The following CYP2C8 variants were observed in gnomAD, a reference collection of about 807,000 sequenced individuals.
CYP2C8 encodes cytochrome P450 family 2 subfamily C member 8, also known as cytochrome P450 2C8.
In CYP2C8, 51 loss-of-function variants were observed where a neutral mutation model predicts 41.3. That is an observed-to-expected ratio of 1.24 (90% CI 0.99 to 1.56). CYP2C8 has a LOEUF of 1.56. Among genes scored for constraint, CYP2C8 ranks in the 40% most tolerant of loss-of-function variants. The pLI is 0.00. For synonymous variants in CYP2C8, 218 were observed against 205.8 expected, an observed-to-expected ratio of 1.06 and a Z score of -0.51; for missense variants, 651 against 579.9, an observed-to-expected ratio of 1.12 and a Z score of -1.26.
chr10:95,051,425 A>T (rs2033213319), intron 5 of CYP2C8, among the ~76,000 whole-genome samples: 1 of 152,142 alleles, frequency 6.6e-6, no homozygotes. Context: ...GAGAAAGAGA[A>T]GGGAGTAGAA....
chr10:95,047,357 A>G (rs1324499137), intron 5 of CYP2C8, among the ~76,000 whole-genome samples: 4 of 152,206 alleles, frequency 2.6e-5, no homozygotes, highest in Non-Finnish European at 2.9e-5. Context: ...AATTAGGGCT[A>G]TATCATGAAA....
intron 8 of CYP2C8, among the ~76,000 whole-genome samples, chr10:95,038,158 G>A (rs1035269496): frequency 6.6e-6 from 1 of 152,180 alleles, no homozygotes; most frequent in Non-Finnish European, 1.5e-5. Context: ...GGTGTGAAAA[G>A]CAAGTATCCA....
At chr10:95,053,816 G>A (rs1461996417) in intron 5 of CYP2C8, among the ~76,000 whole-genome samples, 3 of 151,978 alleles carry the variant, frequency 2.0e-5, no homozygotes, top group Non-Finnish European at 4.4e-5. Flanking sequence ...CTTAATTCAT[G>A]CGGGGCTTAA....
chr10:95,040,900 C>T (rs764976486), intron 7 of CYP2C8: 1 of 456,102 alleles, frequency 2.2e-6, no homozygotes, highest in South Asian at 1.5e-5. Flanking sequence ...AAAACAGACC[C>T]ACATTAGGGA....
Position 95,064,852 on chromosome 10 carries a change from AG to A in CYP2C8, c.589del (p.Leu197Ter). 6.2e-7 allele frequency: 1 copy of A among 1,614,026 alleles called. No individual in the cohort carries two copies. Among genetic ancestry groups the A allele is most frequent in the Non-Finnish European group, 8.5e-7 (1 of 1,179,976 alleles). On this transcript the variant is annotated frameshift_variant, in exon 4 of 9. Coordinates refer to ENST00000371270, the MANE Select transcript of CYP2C8 (RefSeq NM_000770.3). LOFTEE classifies it high-confidence loss of function. ...GAAGTTTTCATTGAATCTTTTCATC[AG>A]GGTGAGAAAATTCTGATCTTTATAA... ...FDYKDQNFLT[L>X]MKRFNENFRI...
chr10:95,038,237 T>C (rs991781170), intron 8 of CYP2C8, among the ~76,000 whole-genome samples: 2 of 152,222 alleles, frequency 1.3e-5, no homozygotes, highest in African/African-American at 4.8e-5. Context: ...TCTTAGCTTA[T>C]GTAACCTCTT....
chr10:95,060,469 T>C (rs1426052336), intron 4 of CYP2C8, among the ~76,000 whole-genome samples: 3 of 152,126 alleles, frequency 2.0e-5, no homozygotes, highest in Non-Finnish European at 4.4e-5. Flanking sequence ...TAGAGGAATG[T>C]TTGTGATTTT....
intron 4 of CYP2C8, among the ~76,000 whole-genome samples, chr10:95,063,326 C>G (rs185055649): frequency 6.6e-6 from 1 of 152,220 alleles, no homozygotes; most frequent in Non-Finnish European, 1.5e-5. Flanking sequence ...TTCTTGGAGG[C>G]TTTGTGCATT....
chr10:95,041,849 G>T (rs2033008080), intron 7 of CYP2C8, among the ~76,000 whole-genome samples: 1 of 149,644 alleles, frequency 6.7e-6, no homozygotes, highest in Non-Finnish European at 1.5e-5. Flanking sequence ...TCTGGGCTCT[G>T]CTCCCTGCCA....
At chr10:95,053,881 A>G (rs2033260905) in intron 5 of CYP2C8, among the ~76,000 whole-genome samples, 2 of 152,160 alleles carry the variant, frequency 1.3e-5, no homozygotes, top group South Asian at 2.1e-4. Flanking sequence ...ATGTATACCT[A>G]TGTAACAAAC....
intron 5 of CYP2C8, among the ~76,000 whole-genome samples, chr10:95,050,853 A>T (rs1296993687): frequency 6.7e-6 from 1 of 149,646 alleles, no homozygotes; most frequent in Admixed American, 6.7e-5. Context: ...ATATCTGGAA[A>T]GCCTAACAAG....
rs143708030 is a variant in CYP2C8 at position 95,056,965 on chromosome 10, C to T, written c.819+1370G>A. Among the ~76,000 whole-genome samples the T allele has an allele frequency of 7.9e-5, 12 of 152,248 alleles. No individual in the cohort carries two copies. The East Asian group carries it at 2.3e-3, about 29-fold the overall frequency. On this transcript the variant is annotated intron_variant, in intron 5 of 8. Coordinates refer to ENST00000371270, the MANE Select transcript of CYP2C8 (RefSeq NM_000770.3). ...CAGTGGTACAGCTCTGCGAGGGCTCCTGCAGAGCAGGGCTATGATATAGGC... is the reference window on the plus strand; with the variant it reads ...CAGTGGTACAGCTCTGCGAGGGCTCTTGCAGAGCAGGGCTATGATATAGGC...
intron 4 of CYP2C8, among the ~76,000 whole-genome samples, chr10:95,060,220 A>T (rs1333427515): frequency 7.2e-5 from 11 of 151,980 alleles, no homozygotes; most frequent in Non-Finnish European, 5.9e-5. Flanking sequence ...TTGAATCTAT[A>T]AATTACCTTG....
chr10:95,054,293 G>T (rs1206210477), intron 5 of CYP2C8, among the ~76,000 whole-genome samples: 1 of 151,964 alleles, frequency 6.6e-6, no homozygotes, highest in African/African-American at 2.4e-5. Flanking sequence ...ATATTAGAAA[G>T]AAAGGAAAAA....
At chr10:95,069,148 G>A (rs778311607) in intron 1 of CYP2C8, 87 bp downstream of exon 1, 1 of 1,402,902 alleles carries the variant, frequency 7.1e-7, no homozygotes, top group South Asian at 1.2e-5. Context: ...TTATAATAGT[G>A]TGCTTCCAGG....
At position 95,067,195 on chromosome 10, in the gene CYP2C8, TAG is replaced by T; in HGVS notation, c.481+11_481+12del. Reference sequence around the variant, plus strand: ...AACTGTTAAGGTCAATGACGCAGAGTAGAGTCACCCACCCTTGGTTTTTCTCA... The same window carrying T: ...AACTGTTAAGGTCAATGACGCAGAGTAGTCACCCACCCTTGGTTTTTCTCA... On this transcript the variant is annotated intron_variant, in intron 3 of 8. Transcript: ENST00000371270. 14 of 1,613,842 alleles carry T rather than the reference TAG, an allele frequency of 8.7e-6. No individual in the cohort carries two copies. Among genetic ancestry groups the T allele is most frequent in the Non-Finnish European group, 1.2e-5 (14 of 1,179,904 alleles).
intron 5 of CYP2C8, among the ~76,000 whole-genome samples, chr10:95,046,509 G>C (rs748330594): frequency 6.6e-6 from 1 of 152,280 alleles, no homozygotes. Context: ...GTATATTTAT[G>C]AGGTCAGAAC....
At chr10:95,056,782 G>A (rs1028710775) in intron 5 of CYP2C8, among the ~76,000 whole-genome samples, 3 of 151,978 alleles carry the variant, frequency 2.0e-5, no homozygotes, top group African/African-American at 7.3e-5. Context: ...TGTTTCTGTG[G>A]AGTGATAAAA....
chr10:95,058,316 T>A lies in CYP2C8; in HGVS notation c.819+19A>T, dbSNP rs771096210. 22 of 1,612,106 alleles carry A rather than the reference T, an allele frequency of 1.4e-5. No individual in the cohort carries two copies. Among genetic ancestry groups the A allele is most frequent in the African/African-American group, 2.7e-5 (2 of 74,862 alleles). On this transcript the variant is annotated intron_variant, in intron 5 of 8. Coordinates refer to ENST00000371270, the MANE Select transcript of CYP2C8 (RefSeq NM_000770.3). ...AATGGACAAGAAATCAAAATACTGATCTGTTGCTAATATCTTACCTGCTCC... is the reference window on the plus strand; with the variant it reads ...AATGGACAAGAAATCAAAATACTGAACTGTTGCTAATATCTTACCTGCTCC...
Sources: gnomAD v4.1 joint callset for allele counts (sites outside exome capture counted in the v4.1 genomes callset) on GRCh38, gnomAD v4.1.1 for gene constraint, MANE v1.5 for transcripts, NCBI Gene and HGNC (gene_info 2026-07-23, HGNC 2026-07-21) for gene names.